Variants in NRG1 observed in about 807,000 individuals in gnomAD.
NRG1 encodes the protein neuregulin 1, also known as pro-neuregulin-1, membrane-bound isoform.
In NRG1, 18 loss-of-function variants were observed where a neutral mutation model predicts 63.8. The ratio of observed to expected loss-of-function variants is 0.28; its 90% CI spans 0.19 to 0.42. NRG1 has a LOEUF of 0.42. Ranked by LOEUF, NRG1 falls within the 10% of genes least tolerant of loss-of-function variation. The probability of loss-of-function intolerance (pLI) is 1.00; values close to 1 mark genes in which losing one functional copy is unlikely to be tolerated. For synonymous variants in NRG1, 302 were observed against 301.3 expected (o/e 1.00, Z -0.02); for missense variants, 762 against 814.7 (o/e 0.94, Z 0.79).
intron 1 of NRG1, among the ~76,000 whole-genome samples, chr8:32,168,309 T>C (rs946093992): frequency 6.6e-6 from 1 of 152,216 alleles, no homozygotes; most frequent in Admixed American, 6.5e-5. Flanking sequence ...CTGTCTACCA[T>C]GTATCAGGCA....
chr8:32,206,843 T>G (rs1405796848), intron 1 of NRG1, among the ~76,000 whole-genome samples: 1 of 152,242 alleles, frequency 6.6e-6, no homozygotes, highest in Non-Finnish European at 1.5e-5. Context: ...TGTGTCCACG[T>G]GTACACGTTA....
intron 1 of NRG1, among the ~76,000 whole-genome samples, chr8:32,470,732 C>T (rs559823915): frequency 6.6e-6 from 1 of 152,092 alleles, no homozygotes; most frequent in Non-Finnish European, 1.5e-5. Context: ...TAACTCAACT[C>T]TTCATTATGT....
intron 5 of NRG1, among the ~76,000 whole-genome samples, chr8:32,703,688 A>T (rs1232534098): frequency 2.0e-5 from 3 of 152,224 alleles, no homozygotes; most frequent in African/African-American, 7.2e-5. Context: ...ACTGTTTAGA[A>T]CTAAGACAGG....
intron 1 of NRG1, among the ~76,000 whole-genome samples, chr8:32,212,739 T>C (rs572947694): frequency 6.6e-6 from 1 of 152,312 alleles, no homozygotes; most frequent in African/African-American, 2.4e-5. Flanking sequence ...TAGTTCCTAC[T>C]TGAAATCAAC....
chr8:32,732,460 TA>T (rs1413288535), intron 6 of NRG1, among the ~76,000 whole-genome samples: 4 of 152,202 alleles, frequency 2.6e-5, no homozygotes, highest in African/African-American at 9.7e-5. Flanking sequence ...AGGCTGTGCT[TA>T]TAAGTCCAAC....
At chr8:31,661,572 C>T (rs951229155) in intron 1 of NRG1, among the ~76,000 whole-genome samples, 1 of 152,170 alleles carries the variant, frequency 6.6e-6, no homozygotes, top group Non-Finnish European at 1.5e-5. Context: ...GAACCTGCAA[C>T]ACTTTGTGGG....
chr8:31,674,968 G>A lies in NRG1; in HGVS notation c.37+35537G>A, dbSNP rs532426817. Among the ~76,000 whole-genome samples, 22 of 152,306 alleles carry A rather than the reference G, an allele frequency of 1.4e-4. No individual in the cohort carries two copies. The South Asian group carries it at 4.4e-3, about 30-fold the overall frequency. On this transcript the variant is annotated intron_variant, in intron 1 of 10. Coordinates refer to the NRG1 transcript ENST00000519301. Reference sequence around the variant, plus strand: ...CCCTTCTCTGAGGTCCCACAGAGGTGGAGGCCCAGCCTGAGCTTTTACAGG... The same window carrying A: ...CCCTTCTCTGAGGTCCCACAGAGGTAGAGGCCCAGCCTGAGCTTTTACAGG...
At chr8:32,080,387 G>A (rs1947734) in intron 1 of NRG1, among the ~76,000 whole-genome samples, 46,654 of 152,012 alleles carry the variant, frequency 0.31, 7,820 homozygotes, top group East Asian at 0.68. Context: ...CTGAGCAGAA[G>A]GTGCCACAGT....
chr8:31,712,608 C>T (rs1811893491), intron 1 of NRG1, among the ~76,000 whole-genome samples: 1 of 152,130 alleles, frequency 6.6e-6, no homozygotes, highest in South Asian at 2.1e-4. Flanking sequence ...ATTTATTTTA[C>T]AAAACTAATG....
chr8:31,953,835 A>G (rs1282009492), intron 1 of NRG1, among the ~76,000 whole-genome samples: 3 of 152,218 alleles, frequency 2.0e-5, no homozygotes, highest in Admixed American at 6.5e-5. Flanking sequence ...AAAGAGAACA[A>G]GAAGGTGATG....
At chr8:32,010,074 CA>C (rs1223303742) in intron 1 of NRG1, among the ~76,000 whole-genome samples, 3 of 152,018 alleles carry the variant, frequency 2.0e-5, no homozygotes, top group African/African-American at 7.2e-5. Flanking sequence ...CTCTCAATGA[CA>C]GGTATGACTG....
intron 1 of NRG1, among the ~76,000 whole-genome samples, chr8:32,497,097 T>TTTG (rs1827282245): frequency 6.6e-6 from 1 of 152,072 alleles, no homozygotes; most frequent in African/African-American, 2.4e-5. Flanking sequence ...TTTTAACTCT[T>TTTG]TTGTTGGGGT....
chr8:31,848,305 A>G (rs923872640), intron 1 of NRG1, among the ~76,000 whole-genome samples: 2 of 152,158 alleles, frequency 1.3e-5, no homozygotes, highest in African/African-American at 4.8e-5. Flanking sequence ...GGTATTTTGG[A>G]TTACACAGAG....
intron 1 of NRG1, among the ~76,000 whole-genome samples, chr8:31,735,231 A>AT (rs1049500310): frequency 9.2e-5 from 14 of 152,000 alleles, no homozygotes; most frequent in African/African-American, 1.2e-4. Context: ...TCCTAAAACA[A>AT]TTTTTTCTAA....
chr8:32,443,436 C>A (rs1323707054), intron 1 of NRG1, among the ~76,000 whole-genome samples: 1 of 151,402 alleles, frequency 6.6e-6, no homozygotes, highest in Non-Finnish European at 1.5e-5. Flanking sequence ...CTGAAATAAG[C>A]GGATTTTGAC....
At chr8:31,968,191 A>C (rs1564127) in intron 1 of NRG1, among the ~76,000 whole-genome samples, 114,754 of 152,088 alleles carry the variant, frequency 0.75, 43,962 homozygotes, top group Non-Finnish European at 0.82. Flanking sequence ...ATAAGTATGC[A>C]TGCAAAAATA....
intron 1 of NRG1, among the ~76,000 whole-genome samples, chr8:32,262,407 A>T (rs1650267005): frequency 2.0e-5 from 3 of 152,186 alleles, no homozygotes; most frequent in South Asian, 4.1e-4. Flanking sequence ...GGAGGTGTGA[A>T]AGCAAGAATC....
At chr8:32,000,788 T>C (rs1812795120) in intron 1 of NRG1, among the ~76,000 whole-genome samples, 1 of 152,062 alleles carries the variant, frequency 6.6e-6, no homozygotes, top group Non-Finnish European at 1.5e-5. Context: ...GATTGAAGTT[T>C]TGTCATTGAA....
At chr8:32,504,749 G>A (rs1168043169) in intron 1 of NRG1, among the ~76,000 whole-genome samples, 1 of 152,118 alleles carries the variant, frequency 6.6e-6, no homozygotes, top group East Asian at 1.9e-4. Context: ...ATTTCTGGCA[G>A]ATGGAACAAG....
Sources: gnomAD v4.1 joint callset for allele counts (sites outside exome capture counted in the v4.1 genomes callset) on GRCh38, gnomAD v4.1.1 for gene constraint, MANE v1.5 for transcripts, NCBI Gene and HGNC (gene_info 2026-07-23, HGNC 2026-07-21) for gene names.